The following POLK variants were observed in gnomAD, a reference collection of about 807,000 sequenced individuals.
The protein encoded by POLK is polymerase (DNA directed) kappa.
In POLK, 76 loss-of-function variants were observed where a neutral mutation model predicts 94.0. That is an observed-to-expected ratio of 0.81 (90% CI 0.67 to 0.98). POLK has a LOEUF of 0.98. Among genes scored for constraint, POLK ranks in the 50% least tolerant of loss-of-function variants. The probability of loss-of-function intolerance (pLI) is 0.00; values close to 1 mark genes in which losing one functional copy is unlikely to be tolerated. For missense variants in POLK, 954 were observed against 1,010.1 expected (o/e 0.94, Z 0.75); for synonymous variants, 349 against 325.4 (o/e 1.07, Z -0.78).
exon 1 of POLK, chr5:75,511,897 G>C: frequency 7.1e-7 from 1 of 1,414,044 alleles, no homozygotes; most frequent in Non-Finnish European, 9.6e-7. Context: ...AGTTGTAGTC[G>C]CGATCCTGAG....
At chr5:75,601,658 A>T (rs1361908118), downstream of POLK, among the ~76,000 whole-genome samples, 1 of 151,778 alleles carries the variant, frequency 6.6e-6, no homozygotes, top group Non-Finnish European at 1.5e-5. Context: ...TGAACATCAG[A>T]CTCCAAGTTC....
In POLK at chr5:75,593,908, G is replaced by A. The variant is rs780243553; in HGVS notation, c.1387G>A (p.Val463Met). The change falls in exon 12 of 15, where the codon GTG (valine) becomes ATG (methionine). Residue 463 changes from valine to methionine, a missense_variant. Coordinates refer to ENST00000241436, the Ensembl canonical transcript of POLK. ...AACTGTTACCATTAAGTTGAAGAATGTGAATTTTGAAGTAAAAACTCGTGC... is the reference window on the plus strand; with the variant it reads ...AACTGTTACCATTAAGTTGAAGAATATGAATTTTGAAGTAAAAACTCGTGC... 4 of 1,596,962 alleles carry A rather than the reference G, an allele frequency of 2.5e-6. No individual in the cohort carries two copies. In the South Asian group the frequency reaches 3.3e-5, roughly 13 times the overall value.
intron 1 of POLK, among the ~76,000 whole-genome samples, chr5:75,524,326 T>C (rs762070495): frequency 1.3e-5 from 2 of 152,240 alleles, no homozygotes; most frequent in South Asian, 4.2e-4. Context: ...TAAATACTTG[T>C]GGGTTGAATG....
In POLK at chr5:75,547,052, T is replaced by C. The variant is rs776722993; in HGVS notation, c.30T>C (p.Ser10=). The C allele has an allele frequency of 3.8e-5, 58 of 1,533,566 alleles. No individual in the cohort carries two copies. In the East Asian group the frequency reaches 1.4e-3, roughly 36 times the overall value. 95.0% of individuals were successfully genotyped at this position (1,533,566 alleles called of 1,614,324 possible). The stretch of plus-strand genomic sequence containing the variant: ...ATAGCACAAAGGAGAAGTGTGACAG[T>C]TACAAAGATGATCTTCTGCTTAGGA... The change falls in exon 2 of 15, where the codon AGT becomes AGC. Residue 10 remains serine, a synonymous_variant. Transcript: ENST00000241436.
At chr5:75,596,931 T>G in exon 13 of POLK, 1 of 1,613,460 alleles carries the variant, frequency 6.2e-7, no homozygotes, top group Non-Finnish European at 8.5e-7. Flanking sequence ...AGAATTCTTC[T>G]TCTACTGTTT....
chr5:75,548,112 C>G (rs575075517), intron 2 of POLK, among the ~76,000 whole-genome samples: 14 of 151,964 alleles, frequency 9.2e-5, no homozygotes, highest in African/African-American at 3.4e-4. Flanking sequence ...TGTAGAGAGG[C>G]GGTCTCACTG....
At chr5:75,585,389 A>G (rs1263342655) in intron 9 of POLK, among the ~76,000 whole-genome samples, 8 of 152,238 alleles carry the variant, frequency 5.3e-5, no homozygotes, top group Non-Finnish European at 1.2e-4. Context: ...TAGGCACTGT[A>G]GATAACAGCA....
exon 8 of POLK, chr5:75,583,345 A>G (rs1208207910): frequency 6.2e-7 from 1 of 1,606,328 alleles, no homozygotes; most frequent in African/African-American, 1.3e-5. Context: ...AGAATAAACC[A>G]AATGGACAAT....
chr5:75,558,386 CTTAAATGGTGT>C (rs1770756085), intron 3 of POLK, among the ~76,000 whole-genome samples: 5 of 152,050 alleles, frequency 3.3e-5, no homozygotes, highest in Middle Eastern at 3.4e-3. Context: ...GTATGTTTTT[CTTAAATGGTGT>C]TATGTTTTCC....
chr5:75,579,744 A>G (rs1255158942), intron 6 of POLK, among the ~76,000 whole-genome samples: 1 of 151,986 alleles, frequency 6.6e-6, no homozygotes, highest in East Asian at 1.9e-4. Flanking sequence ...AGCTAATGTA[A>G]GTTTGAAAAT....
chr5:75,593,628 GT>G (rs1162007202), intron 11 of POLK, among the ~76,000 whole-genome samples: 3 of 152,096 alleles, frequency 2.0e-5, no homozygotes. Flanking sequence ...AGGATCGCTT[GT>G]GGCCAGGAAT....
At chr5:75,582,087 A>G in intron 7 of POLK, 3 of 985,386 alleles carry the variant, frequency 3.0e-6, no homozygotes, top group Non-Finnish European at 3.6e-6. Flanking sequence ...ATCCTGTCCA[A>G]GATTACATTG....
At position 75,581,252 on chromosome 5, in the gene POLK, A is replaced by T. The variant is rs773024067; in HGVS notation, c.738A>T (p.Arg246=). 29 of 1,607,652 alleles carry T rather than the reference A, an allele frequency of 1.8e-5. No individual in the cohort carries two copies. The South Asian group carries it at 3.1e-4, about 17-fold the overall frequency. Reference sequence around the variant, plus strand: ...TTAATAAACTGAGTGAGCATGAACGATCCATCTCTCCACTACTTTTTGAAG... The same window carrying T: ...TTAATAAACTGAGTGAGCATGAACGTTCCATCTCTCCACTACTTTTTGAAG... Residue 246 remains arginine (R), a synonymous_variant, in exon 7 of 15, where the codon CGA becomes CGT. Transcript: ENST00000241436.
At chr5:75,585,444 G>T (rs1016430879) in intron 9 of POLK, among the ~76,000 whole-genome samples, 6 of 152,198 alleles carry the variant, frequency 3.9e-5, no homozygotes, top group African/African-American at 1.4e-4. Context: ...ACAGACTAGT[G>T]TGAGAGATAG....
chr5:75,526,569 T>A (rs1768856045), intron 1 of POLK, among the ~76,000 whole-genome samples: 1 of 148,780 alleles, frequency 6.7e-6, no homozygotes, highest in Non-Finnish European at 1.5e-5. Flanking sequence ...ATGGGTTTTT[T>A]TTTTGTTTTT....
At chr5:75,570,490 A>G (rs970144685) in intron 4 of POLK, among the ~76,000 whole-genome samples, 2 of 152,222 alleles carry the variant, frequency 1.3e-5, no homozygotes, top group Non-Finnish European at 2.9e-5. Flanking sequence ...GCCTAAAATG[A>G]TTACTATCTG....
At chr5:75,561,465 A>C (rs1301785934) in intron 3 of POLK, among the ~76,000 whole-genome samples, 1 of 152,076 alleles carries the variant, frequency 6.6e-6, no homozygotes, top group Non-Finnish European at 1.5e-5. Flanking sequence ...TTGCCTGTTC[A>C]CTCTGCTGAT....
intron 13 of POLK, 84 bp downstream of exon 13, chr5:75,597,262 C>T: frequency 1.3e-6 from 1 of 766,354 alleles, no homozygotes; most frequent in Non-Finnish European, 2.2e-6. Flanking sequence ...AAATCTGAAA[C>T]ATATACTATT....
intron 8 of POLK, among the ~76,000 whole-genome samples, chr5:75,584,536 C>T (rs992957900): frequency 2.0e-5 from 3 of 151,904 alleles, no homozygotes; most frequent in Non-Finnish European, 4.4e-5. Context: ...GGTATGGTGG[C>T]GCATGTCTGT....
Sources: allele counts gnomAD v4.1 joint callset (sites outside exome capture counted in the v4.1 genomes callset), GRCh38; gene constraint gnomAD v4.1.1; transcripts MANE v1.5; gene names NCBI Gene and HGNC (gene_info 2026-07-23, HGNC 2026-07-21).